Variants in SLC39A8 observed in about 807,000 individuals in gnomAD.
SLC39A8 encodes the protein solute carrier family 39 member 8, also known as metal cation symporter ZIP8.
Under a neutral mutation model 40.4 loss-of-function variants are expected in SLC39A8, and 15 were observed. The ratio of observed to expected loss-of-function variants is 0.37; its 90% CI spans 0.25 to 0.57. The LOEUF is 0.57. Among genes scored for constraint, SLC39A8 ranks in the 20% least tolerant of loss-of-function variants. SLC39A8 has a pLI of 0.75. For missense variants in SLC39A8, 472 were observed against 558.8 expected (o/e 0.84, Z 1.57); for synonymous variants, 223 against 221.6 (o/e 1.01, Z -0.06).
intron 2 of SLC39A8, among the ~76,000 whole-genome samples, chr4:102,334,657 C>T (rs1343364741): frequency 6.6e-6 from 1 of 152,182 alleles, no homozygotes. Context: ...TCTACCTTGA[C>T]ATTCAGGCAC....
chr4:102,320,397 T>TATATATATGAGAAA (rs1734893005), intron 2 of SLC39A8, among the ~76,000 whole-genome samples: 1 of 118,382 alleles, frequency 8.4e-6, no homozygotes, highest in African/African-American at 3.3e-5. Context: ...TATATGAGTA[T>TATATATATGAGAAA]ATATATATGA....
intron 2 of SLC39A8, among the ~76,000 whole-genome samples, chr4:102,327,148 G>C (rs1174430773): frequency 6.6e-6 from 1 of 152,062 alleles, no homozygotes; most frequent in Non-Finnish European, 1.5e-5. Context: ...AGTAGTCCCA[G>C]TTACTCAGAA....
rs1734617790 is a variant in SLC39A8 at position 102,315,606 on chromosome 4, A to T, written c.382+62T>A. ...ATAAAGCAGAAAAAGAGGCATATTA[A>T]CTTCATTTCACAATGGTTCATAGAC... On this transcript the variant is annotated intron_variant, in intron 3 of 8. Coordinates refer to ENST00000356736, the MANE Select transcript of SLC39A8 (RefSeq NM_001135146.2). The T allele has an allele frequency of 5.6e-6, 8 of 1,439,042 alleles. No homozygotes were observed. The South Asian group carries it at 7.6e-5, about 14-fold the overall frequency. 89.1% of individuals were successfully genotyped at this position (1,439,042 alleles called of 1,614,324 possible). A position where few individuals can be genotyped will look rare whatever the true frequency, so the allele number is the denominator to read the frequency against.
At chr4:102,344,985 C>G (rs1159406780) in intron 1 of SLC39A8, 70 bp from the exon 2 acceptor site, 1 of 1,018,222 alleles carries the variant, frequency 9.8e-7, no homozygotes, top group African/African-American at 1.7e-5. Context: ...GCTCCAGAAA[C>G]GCTGCGTGGC....
intron 2 of SLC39A8, among the ~76,000 whole-genome samples, chr4:102,317,500 T>C (rs565512198): frequency 6.6e-6 from 1 of 152,268 alleles, no homozygotes; most frequent in South Asian, 2.1e-4. Context: ...GAATGATGTA[T>C]AATAAACTAA....
At chr4:102,340,467 AC>A (rs1038001035) in intron 2 of SLC39A8, among the ~76,000 whole-genome samples, 8 of 152,234 alleles carry the variant, frequency 5.3e-5, no homozygotes, top group Admixed American at 3.9e-4. Context: ...CTAAACTGAT[AC>A]CAGAGCATAA....
rs543437212 is a variant in SLC39A8, at chr4:102,303,856, TTAA to T, written c.840+458_840+460del. ...ATACGTGCTCAAGAAATTGTGCCTA[TTAA>T]TATTATTTAGAAGATGTGGATATAA... On this transcript the variant is annotated intron_variant, in intron 6 of 8. Coordinates refer to ENST00000356736, the MANE Select transcript of SLC39A8 (RefSeq NM_001135146.2). 3.7e-4 allele frequency among the ~76,000 whole-genome samples: 56 copies of T among 151,876 alleles called. 1 individual carries two copies. Among genetic ancestry groups the T allele is most frequent in the Admixed American group, 6.6e-5 (1 of 15,212 alleles).
intron 2 of SLC39A8, among the ~76,000 whole-genome samples, chr4:102,329,382 G>A (rs959127416): frequency 6.6e-6 from 1 of 152,070 alleles, no homozygotes; most frequent in Admixed American, 6.6e-5. Flanking sequence ...CAGCACTTTG[G>A]GAGGCCACGG....
At chr4:102,256,503 G>A (rs993681862) in intron 11 of SLC39A8, among the ~76,000 whole-genome samples, 1 of 152,152 alleles carries the variant, frequency 6.6e-6, no homozygotes, top group African/African-American at 2.4e-5. Flanking sequence ...TGCCAGAAAT[G>A]TGATAAGTCC....
chr4:102,299,872 C>T (rs924684566), intron 6 of SLC39A8, among the ~76,000 whole-genome samples: 5 of 151,992 alleles, frequency 3.3e-5, no homozygotes, highest in Admixed American at 1.3e-4. Flanking sequence ...CCAAACATTC[C>T]TCAGCAATCA....
chr4:102,284,841 T>TATA (rs1472993108), intron 6 of SLC39A8, among the ~76,000 whole-genome samples: 9 of 56,882 alleles, frequency 1.6e-4, no homozygotes, highest in Non-Finnish European at 2.9e-4. Context: ...CCCAGGAAAC[T>TATA]ATAATGATGG....
At chr4:102,337,006 G>A (rs1404089851) in intron 2 of SLC39A8, among the ~76,000 whole-genome samples, 1 of 151,836 alleles carries the variant, frequency 6.6e-6, no homozygotes, top group East Asian at 1.9e-4. Context: ...CCTAATACTA[G>A]CTGTTTGCAC....
At chr4:102,325,569 T>A (rs1317610148) in intron 2 of SLC39A8, among the ~76,000 whole-genome samples, 1 of 152,210 alleles carries the variant, frequency 6.6e-6, no homozygotes, top group East Asian at 1.9e-4. Flanking sequence ...ATAAAAAGAT[T>A]ATTATGAAAC....
intron 6 of SLC39A8, among the ~76,000 whole-genome samples, chr4:102,280,779 C>G (rs1732837127): frequency 6.6e-6 from 1 of 152,178 alleles, no homozygotes; most frequent in Admixed American, 6.5e-5. Context: ...TAACCATTAA[C>G]AAGAAAATAA....
At chr4:102,289,701 C>T (rs376845617) in intron 6 of SLC39A8, among the ~76,000 whole-genome samples, 27 of 152,104 alleles carry the variant, frequency 1.8e-4, no homozygotes, top group East Asian at 9.7e-4. Flanking sequence ...AAGGAAGTCA[C>T]GGTAGGTGTA....
At chr4:102,261,075 C>T (rs1731835045), downstream of SLC39A8, among the ~76,000 whole-genome samples, 1 of 152,202 alleles carries the variant, frequency 6.6e-6, no homozygotes, top group Non-Finnish European at 1.5e-5. Flanking sequence ...CATTGCCACC[C>T]ACAGTTGTAT....
chr4:102,315,862 T>C, intron 2 of SLC39A8, 32 bp from the exon 3 acceptor site: 1 of 1,573,540 alleles, frequency 6.4e-7, no homozygotes, highest in Non-Finnish European at 8.7e-7. Context: ...AAAAATGTGA[T>C]AATAATGTGT....
chr4:102,299,992 C>T (rs1733847845), intron 6 of SLC39A8, among the ~76,000 whole-genome samples: 1 of 152,076 alleles, frequency 6.6e-6, no homozygotes, highest in Non-Finnish European at 1.5e-5. Flanking sequence ...GAGAAAAACA[C>T]AAAGCATGTC....
chr4:102,259,451 T>C (rs1731786718), downstream of SLC39A8: 2 of 1,537,816 alleles, frequency 1.3e-6, no homozygotes, highest in Admixed American at 2.0e-5. Context: ...CTTGTTATTC[T>C]TACCGTATAT....
Sources: allele counts gnomAD v4.1 joint callset (sites outside exome capture counted in the v4.1 genomes callset), GRCh38; gene constraint gnomAD v4.1.1; transcripts MANE v1.5; gene names NCBI Gene and HGNC (gene_info 2026-07-23, HGNC 2026-07-21).